Variants in SHTN1 observed in about 807,000 individuals in gnomAD.
The protein encoded by SHTN1 is shootin 1, also known as shootin-1.
In SHTN1, 42 loss-of-function variants were observed where a neutral mutation model predicts 83.1. That is an observed-to-expected ratio of 0.51 (90% CI 0.39 to 0.65). The LOEUF is 0.65. SHTN1 is among the 30% of genes least tolerant of loss of function. The pLI, the probability that SHTN1 is intolerant of heterozygous loss-of-function variation, is 0.00. For synonymous variants in SHTN1, 224 were observed against 247.7 expected, an observed-to-expected ratio of 0.90 and a Z score of 0.90; for missense variants, 622 against 737.8, an observed-to-expected ratio of 0.84 and a Z score of 1.82.
intron 7 of SHTN1, among the ~76,000 whole-genome samples, chr10:116,945,919 T>C (rs943890360): frequency 1.3e-5 from 2 of 152,172 alleles, no homozygotes; most frequent in African/African-American, 4.8e-5. Context: ...ACCACAGCTA[T>C]GCCTGTCCAC....
chr10:116,902,086 A>G (rs1847762430), intron 15 of SHTN1, 129 bp from the exon 16 acceptor site: 2 of 767,662 alleles, frequency 2.6e-6, no homozygotes, highest in South Asian at 4.0e-5. Flanking sequence ...TTTCAAGAGC[A>G]TGCTGGAAAA....
At chr10:116,908,250 T>G (rs1464361700) in intron 14 of SHTN1, among the ~76,000 whole-genome samples, 3 of 152,346 alleles carry the variant, frequency 2.0e-5, no homozygotes, top group Non-Finnish European at 2.9e-5. Context: ...AGGCATATAA[T>G]TTTTTCCTTA....
At chr10:116,951,599 AAT>A (rs1346234068) in intron 6 of SHTN1, among the ~76,000 whole-genome samples, 1 of 152,218 alleles carries the variant, frequency 6.6e-6, no homozygotes, top group African/African-American at 2.4e-5. Context: ...GCAGCAATAA[AAT>A]ATATGACTTG....
intron 1 of SHTN1, among the ~76,000 whole-genome samples, chr10:117,101,185 T>C (rs983779204): frequency 6.6e-6 from 1 of 152,188 alleles, no homozygotes; most frequent in South Asian, 2.1e-4. Flanking sequence ...TAAGTCTCAA[T>C]TGATTTTCTT....
chr10:117,008,507 A>G (rs1415585285), upstream of SHTN1, among the ~76,000 whole-genome samples: 1 of 152,196 alleles, frequency 6.6e-6, no homozygotes, highest in Non-Finnish European at 1.5e-5. Flanking sequence ...TTGGAATATT[A>G]TTTGGTAATA....
intron 8 of SHTN1, among the ~76,000 whole-genome samples, chr10:116,942,363 C>T (rs559124183): frequency 6.6e-6 from 1 of 152,124 alleles, no homozygotes; most frequent in South Asian, 2.1e-4. Flanking sequence ...CAGGTGCCTG[C>T]CACCATGCCT....
At chr10:116,898,220 CG>C (rs1408655488) in intron 16 of SHTN1, among the ~76,000 whole-genome samples, 25 of 151,826 alleles carry the variant, frequency 1.6e-4, no homozygotes, top group African/African-American at 5.8e-4. Flanking sequence ...CACAGCTACT[CG>C]GGAGGCTGAG....
intron 2 of SHTN1, among the ~76,000 whole-genome samples, chr10:117,016,551 C>T (rs751215100): frequency 1.3e-5 from 2 of 152,250 alleles, no homozygotes; most frequent in African/African-American, 4.8e-5. Flanking sequence ...GAACTACGGG[C>T]GTGTGCCACC....
chr10:116,900,656 G>T, intron 16 of SHTN1: 1 of 1,492,318 alleles, frequency 6.7e-7, no homozygotes. Context: ...AATGTAGCCA[G>T]ATTGTTGATG....
intron 16 of SHTN1, 109 bp from the exon 17 acceptor site, chr10:116,886,675 A>T (rs1847175097): frequency 7.0e-7 from 1 of 1,426,544 alleles, no homozygotes; most frequent in East Asian, 2.3e-5. Flanking sequence ...TCTAAGTCTA[A>T]TCAACATGCA....
intron 1 of SHTN1, among the ~76,000 whole-genome samples, chr10:117,087,572 T>C (rs536505969): frequency 4.6e-5 from 7 of 152,254 alleles, no homozygotes; most frequent in African/African-American, 1.7e-4. Flanking sequence ...ATATCATACA[T>C]AGAAATCAAC....
At chr10:116,953,689 G>A (rs932269265) in intron 5 of SHTN1, among the ~76,000 whole-genome samples, 4 of 147,896 alleles carry the variant, frequency 2.7e-5, no homozygotes, top group East Asian at 2.1e-4. Flanking sequence ...GTGCAACGGC[G>A]CAATCTCGGC....
In SHTN1 at chr10:117,013,495, A is replaced by G. The variant is rs375441196; in HGVS notation, c.-122-34187T>C. Among the ~76,000 whole-genome samples the G allele has an allele frequency of 1.2e-3, 189 of 152,306 alleles. 1 individual carries two copies. Among genetic ancestry groups the G allele is most frequent in the African/African-American group, 4.3e-3 (177 of 41,570 alleles). ...GGCCCAGAAAAATATTTTTAAATGG[A>G]AAATAAGCACATGAAAAGATGCTCA... On this transcript the variant is annotated intron_variant, in intron 2 of 17. Transcript: ENST00000392901.
chr10:117,125,365 C>A (rs988474334), intron 1 of SHTN1, among the ~76,000 whole-genome samples: 2 of 152,210 alleles, frequency 1.3e-5, no homozygotes, highest in Admixed American at 1.3e-4. Flanking sequence ...TGTTAACTAA[C>A]TTGTTTCTCA....
chr10:117,005,390 G>A (rs1851983923), upstream of SHTN1: 2 of 1,194,578 alleles, frequency 1.7e-6, no homozygotes, highest in Admixed American at 4.3e-5. Context: ...GGCAGGACGC[G>A]CTGGTGGGAG....
upstream of SHTN1, chr10:117,005,700 G>C: frequency 2.2e-6 from 1 of 462,834 alleles, no homozygotes; most frequent in Non-Finnish European, 2.8e-6. Context: ...TTGAAGAGGA[G>C]ACAAGGATCG....
At position 116,886,552 on chromosome 10, in the gene SHTN1, A is replaced by G. The variant is rs551803965; in HGVS notation, c.1688T>C (p.Ile563Thr). The G allele has an allele frequency of 8.1e-6, 13 of 1,614,146 alleles. No individual in the cohort carries two copies. Among genetic ancestry groups the G allele is most frequent in the East Asian group, 2.2e-5 (1 of 44,872 alleles). The change falls in exon 17 of 17, where the codon ATT becomes ACT. Residue 563 changes from isoleucine to threonine, a missense_variant. Transcript: ENST00000355371. Reference protein sequence around the residue: ...SKVTFQPPSSIGCRKKYIDGE... With the variant: ...SKVTFQPPSSTGCRKKYIDGE... The stretch of plus-strand genomic sequence containing the variant: ...GTCAATGTATTTTTTCCTGCATCCA[A>G]TGCTACTGGGAGGCCTATGAGATGA...
Position 116,917,193 on chromosome 10 carries a change from T to C in SHTN1, c.1196-1709A>G, listed in dbSNP as rs1210512896. Among the ~76,000 whole-genome samples, 3 of 152,266 alleles carry C rather than the reference T, an allele frequency of 2.0e-5. No homozygotes were observed. The East Asian group carries it at 5.8e-4, about 29-fold the overall frequency. On this transcript the variant is annotated intron_variant, in intron 12 of 16. Transcript: ENST00000355371. Reference sequence around the variant, plus strand: ...CTCACCCACTCAATATCTGAGTATCTGTTGTGAACTACACAGTGCTTTTGC... The same window carrying C: ...CTCACCCACTCAATATCTGAGTATCCGTTGTGAACTACACAGTGCTTTTGC...
chr10:117,119,819 T>C (rs1223602611), intron 1 of SHTN1, among the ~76,000 whole-genome samples: 1 of 149,038 alleles, frequency 6.7e-6, no homozygotes, highest in South Asian at 2.2e-4. Flanking sequence ...ATTGTACCTA[T>C]ACACAATGGG....
Sources: allele counts gnomAD v4.1 joint callset (sites outside exome capture counted in the v4.1 genomes callset), GRCh38; gene constraint gnomAD v4.1.1; transcripts MANE v1.5; gene names NCBI Gene and HGNC (gene_info 2026-07-23, HGNC 2026-07-21).